The following AAK1 variants were observed in gnomAD, a reference collection of about 807,000 sequenced individuals.
AAK1 encodes the protein AP2 associated kinase 1.
Under a neutral mutation model 116.0 loss-of-function variants are expected in AAK1, and 37 were observed. The observed-to-expected ratio is 0.32, with a 90% CI of 0.25 to 0.42. The LOEUF is 0.42. Among genes scored for constraint, AAK1 ranks in the 10% least tolerant of loss-of-function variants. AAK1 has a pLI of 1.00. For missense variants in AAK1, 919 were observed against 1,170.6 expected (o/e 0.79, Z 3.14); for synonymous variants, 458 against 439.9 (o/e 1.04, Z -0.51).
intron 2 of AAK1, among the ~76,000 whole-genome samples, chr2:69,626,663 CTT>C (rs1205180498): frequency 6.4e-5 from 8 of 125,522 alleles, no homozygotes; most frequent in Admixed American, 8.2e-5. Flanking sequence ...CCATGCCTGG[CTT>C]TTTTTTTTTT....
intron 3 of AAK1, among the ~76,000 whole-genome samples, chr2:69,554,804 T>C (rs1376826006): frequency 6.6e-6 from 1 of 152,232 alleles, no homozygotes; most frequent in African/African-American, 2.4e-5. Flanking sequence ...AGTTCACCTA[T>C]TTGAATATTA....
chr2:69,630,549 A>G (rs891145398), intron 2 of AAK1, among the ~76,000 whole-genome samples: 10 of 152,248 alleles, frequency 6.6e-5, no homozygotes, highest in Non-Finnish European at 1.5e-4. Flanking sequence ...CTTTGCATAC[A>G]TCATTTAATT....
intron 13 of AAK1, 59 bp from the exon 14 acceptor site, chr2:69,509,519 A>T (rs1311707767): frequency 7.8e-6 from 11 of 1,419,294 alleles, no homozygotes; most frequent in Non-Finnish European, 1.1e-5. Context: ...TTAAAGGAAA[A>T]ACAAACAGAT....
chr2:69,493,158 C>CAAAAAAAAAAAAAAAAAAAAAAAA lies in AAK1; in HGVS notation c.2365+2826_2365+2827insTTTTTTTTTTTTTTTTTTTTTTTT, dbSNP rs574490585. Among the ~76,000 whole-genome samples, 49 of 37,546 alleles carry CAAAAAAAAAAAAAAAAAAAAAAAA rather than the reference C, an allele frequency of 1.3e-3. 1 individual carries two copies. Among genetic ancestry groups the CAAAAAAAAAAAAAAAAAAAAAAAA allele is most frequent in the South Asian group, 4.1e-3 (3 of 730 alleles). The allele number at this position is 37,546 out of a possible 152,430, so 24.6% of individuals were successfully genotyped here. ...TGGGCGACAGAGCGAGACTCCGTCT[C>CAAAAAAAAAAAAAAAAAAAAAAAA]AAAAAAAAAAAAAAAAAAAGGATGC... On this transcript the variant is annotated intron_variant, in intron 17 of 21. Coordinates refer to ENST00000409085, the MANE Select transcript of AAK1 (RefSeq NM_014911.5).
chr2:69,643,045 C>CT lies in AAK1; in HGVS notation c.-6_-5insA. ...GGAGTCGAAAAACTTCTTCATCTTG[C>CT]GAATAGGGAGCAGCAAAGCAAAATA... On this transcript the variant is annotated 5_prime_UTR_variant, in exon 2 of 22. Coordinates refer to ENST00000409085, the MANE Select transcript of AAK1 (RefSeq NM_014911.5). The CT allele has an allele frequency of 6.3e-7, 1 of 1,590,564 alleles. No homozygotes were observed. The highest frequency in any genetic ancestry group is 8.5e-7 in the Non-Finnish European group (1 of 1,170,522).
chr2:69,466,755 A>G lies in AAK1; in HGVS notation c.*9114T>C. On this transcript the variant is annotated 3_prime_UTR_variant, in exon 22 of 22. Coordinates refer to ENST00000409085, the MANE Select transcript of AAK1 (RefSeq NM_014911.5). The stretch of plus-strand genomic sequence containing the variant: ...CAACCACTGTCTCACGTTTTGGAAC[A>G]TGATAGGCACGACGTACAGGAAAGG... The G allele has an allele frequency of 2.0e-6, 2 of 985,456 alleles. No individual in the cohort carries two copies. The highest frequency in any genetic ancestry group is 2.4e-6 in the Non-Finnish European group (2 of 829,940). The allele number at this position is 985,456 out of a possible 1,614,324, so 61.0% of individuals were successfully genotyped here.
At chr2:69,615,521 C>T (rs553161937) in intron 2 of AAK1, among the ~76,000 whole-genome samples, 6 of 152,334 alleles carry the variant, frequency 3.9e-5, no homozygotes, top group Admixed American at 1.3e-4. Flanking sequence ...GGAGGACCTC[C>T]CCAATCCTCC....
At position 69,473,420 on chromosome 2, in the gene AAK1, C is replaced by T. The variant is rs1674745770; in HGVS notation, c.*2449G>A. ...CCAAGGAAGGCTCCGTTTACCAAAG[C>T]ACTCATATGTGTTCCTTAACAGAAA... On this transcript the variant is annotated 3_prime_UTR_variant, in exon 22 of 22. Coordinates refer to ENST00000409085, the MANE Select transcript of AAK1 (RefSeq NM_014911.5). 1.0e-6 allele frequency: 1 copy of T among 985,360 alleles called. No individual in the cohort carries two copies. Among genetic ancestry groups the T allele is most frequent in the African/African-American group, 1.7e-5 (1 of 57,242 alleles). 61.0% of individuals were successfully genotyped at this position (985,360 alleles called of 1,614,324 possible).
chr2:69,508,217 T>C (rs1005696649), intron 14 of AAK1, among the ~76,000 whole-genome samples: 4 of 152,204 alleles, frequency 2.6e-5, no homozygotes, highest in Non-Finnish European at 5.9e-5. Flanking sequence ...TATCTTGTGG[T>C]GACCACCATA....
intron 17 of AAK1, among the ~76,000 whole-genome samples, chr2:69,494,954 A>C (rs553055653): frequency 6.6e-6 from 1 of 152,278 alleles, no homozygotes; most frequent in East Asian, 1.9e-4. Context: ...CAGACTTGGT[A>C]AAGGATATGA....
chr2:69,514,338 AAAT>A, intron 13 of AAK1, 130 bp downstream of exon 13: 2 of 1,193,832 alleles, frequency 1.7e-6, no homozygotes, highest in Non-Finnish European at 2.3e-6. Flanking sequence ...AGGAAAGATC[AAAT>A]AATTGAACCA....
At chr2:69,605,276 C>T (rs1673749943) in intron 2 of AAK1, among the ~76,000 whole-genome samples, 1 of 152,166 alleles carries the variant, frequency 6.6e-6, no homozygotes, top group Admixed American at 6.5e-5. Flanking sequence ...ACAAATTTCT[C>T]AAGGGTAGAC....
chr2:69,474,011 G>C lies in AAK1; in HGVS notation c.*1858C>G. The C allele has an allele frequency of 1.0e-6, 1 of 985,798 alleles. No homozygotes were observed. The highest frequency in any genetic ancestry group is 1.2e-6 in the Non-Finnish European group (1 of 829,930). 61.1% of individuals were successfully genotyped at this position (985,798 alleles called of 1,614,324 possible). A position where few individuals can be genotyped will look rare whatever the true frequency, so the allele number is the denominator to read the frequency against. ...GAAATGGTCTGTTATTCAACTAGAG[G>C]CCTTTACCTAGCTCATCTTGTTTCA... On this transcript the variant is annotated 3_prime_UTR_variant, in exon 22 of 22. Transcript: ENST00000409085.
At position 69,467,916 on chromosome 2, in the gene AAK1, C is replaced by G. The variant is rs1223321628; in HGVS notation, c.*7953G>C. 1.0e-6 allele frequency: 1 copy of G among 985,210 alleles called. No homozygotes were observed. The highest frequency in any genetic ancestry group is 1.2e-6 in the Non-Finnish European group (1 of 829,860). 61.0% of individuals were successfully genotyped at this position (985,210 alleles called of 1,614,324 possible). A position where few individuals can be genotyped will look rare whatever the true frequency, so the allele number is the denominator to read the frequency against. ...TACTATGTTTCTCTGAATCCTATAA[C>G]TTTTTAGCAGTGCTTCTTTTTAAAC... On this transcript the variant is annotated 3_prime_UTR_variant, in exon 22 of 22. Transcript: ENST00000409085.
chr2:69,523,258 T>C (rs1295744807), intron 10 of AAK1, among the ~76,000 whole-genome samples: 1 of 152,164 alleles, frequency 6.6e-6, no homozygotes, highest in African/African-American at 2.4e-5. Flanking sequence ...CACAAAGGAC[T>C]AAGCTACTTA....
chr2:69,465,913 C>A lies in AAK1; in HGVS notation c.*9956G>T, dbSNP rs760102968. 23 of 1,290,670 alleles carry A rather than the reference C, an allele frequency of 1.8e-5. No individual in the cohort carries two copies. Among genetic ancestry groups the A allele is most frequent in the Non-Finnish European group, 2.2e-5 (22 of 988,848 alleles). The allele number at this position is 1,290,670 out of a possible 1,614,324, so 80.0% of individuals were successfully genotyped here. ...ACATCACCTGTCTGACTGAGGAGAC[C>A]GGTCTGTGCAGGCAGCTCCTGGGAG... On this transcript the variant is annotated 3_prime_UTR_variant, in exon 22 of 22. Transcript: ENST00000409085.
Position 69,551,213 on chromosome 2 carries a change from C to T in AAK1, c.282+5647G>A, listed in dbSNP as rs1007316558. Among the ~76,000 whole-genome samples the T allele has an allele frequency of 2.6e-5, 4 of 152,062 alleles. 1 individual carries two copies. The highest frequency in any genetic ancestry group is 1.3e-4 in the Admixed American group (2 of 15,278). Reference sequence around the variant, plus strand: ...ATGATGAGAACACATGGACACATAGCGGGTAACGACACACACTGGGGCCGG... The same window carrying T: ...ATGATGAGAACACATGGACACATAGTGGGTAACGACACACACTGGGGCCGG... On this transcript the variant is annotated intron_variant, in intron 3 of 21. Transcript: ENST00000409085.
Position 69,474,047 on chromosome 2 carries a change from G to A in AAK1, c.*1822C>T, listed in dbSNP as rs1048350518. The A allele has an allele frequency of 4.1e-6, 4 of 985,760 alleles. No individual in the cohort carries two copies. The highest frequency in any genetic ancestry group is 3.5e-5 in the African/African-American group (2 of 57,226). The allele number at this position is 985,760 out of a possible 1,614,324, so 61.1% of individuals were successfully genotyped here. On this transcript the variant is annotated 3_prime_UTR_variant, in exon 22 of 22. Transcript: ENST00000409085. Reference sequence around the variant, plus strand: ...GCTCATCTTGTTTCAGCCAGCACGGGAAGTATTTAAAGACAGAAGGAAGGC... The same window carrying A: ...GCTCATCTTGTTTCAGCCAGCACGGAAAGTATTTAAAGACAGAAGGAAGGC...
chr2:69,599,109 T>C (rs1673438672), intron 2 of AAK1, among the ~76,000 whole-genome samples: 1 of 152,182 alleles, frequency 6.6e-6, no homozygotes, highest in South Asian at 2.1e-4. Flanking sequence ...TAAGGTGTGA[T>C]TTATTTTGAC....
Sources: allele counts gnomAD v4.1 joint callset (sites outside exome capture counted in the v4.1 genomes callset), GRCh38; gene constraint gnomAD v4.1.1; transcripts MANE v1.5; gene names NCBI Gene and HGNC (gene_info 2026-07-23, HGNC 2026-07-21).